CACNA2D3: variants seen among roughly 807,000 people sequenced by gnomAD.
CACNA2D3 encodes the protein voltage-dependent calcium channel subunit alpha-2/delta-3.
Under a neutral mutation model 160.6 loss-of-function variants are expected in CACNA2D3, and 60 were observed. The ratio of observed to expected loss-of-function variants is 0.37; its 90% CI spans 0.30 to 0.46. The LOEUF is 0.46. Among genes scored for constraint, CACNA2D3 ranks in the 20% least tolerant of loss-of-function variants. The probability of loss-of-function intolerance (pLI) is 1.00; values close to 1 mark genes in which losing one functional copy is unlikely to be tolerated. For missense variants in CACNA2D3, 1,205 were observed against 1,365.0 expected (o/e 0.88, Z 1.85); for synonymous variants, 558 against 492.9 (o/e 1.13, Z -1.75).
At chr3:54,816,906 G>C (rs575630862) in intron 14 of CACNA2D3, 36 bp downstream of exon 14, 68 of 1,611,522 alleles carry the variant, frequency 4.2e-5, no homozygotes, top group Admixed American at 1.0e-4. Flanking sequence ...GTCACCCCCA[G>C]AACTCACGAG....
chr3:54,375,127 C>T (rs964730715), intron 3 of CACNA2D3, among the ~76,000 whole-genome samples: 11 of 151,874 alleles, frequency 7.2e-5, no homozygotes, highest in Admixed American at 2.6e-4. Flanking sequence ...TTGTACCATA[C>T]GTGAGGAGCC....
chr3:54,938,283 A>G (rs1422653225), intron 27 of CACNA2D3, among the ~76,000 whole-genome samples: 1 of 152,194 alleles, frequency 6.6e-6, no homozygotes, highest in Non-Finnish European at 1.5e-5. Context: ...GCAGATGCAA[A>G]CACTGCAGCA....
At chr3:54,927,246 C>T (rs920330351) in intron 27 of CACNA2D3, among the ~76,000 whole-genome samples, 1 of 152,118 alleles carries the variant, frequency 6.6e-6, no homozygotes, top group African/African-American at 2.4e-5. Context: ...TGCTCTAGGG[C>T]AATAGGGAAG....
chr3:54,770,595 C>T (rs1702303086), intron 13 of CACNA2D3, among the ~76,000 whole-genome samples: 2 of 152,146 alleles, frequency 1.3e-5, no homozygotes, highest in Admixed American at 1.3e-4. Context: ...GCTTAACTGA[C>T]TCAGTGTCAG....
rs2106774574 is a variant in CACNA2D3 at position 54,431,760 on chromosome 3, T to G, written c.381+44986T>G. On this transcript the variant is annotated intron_variant, in intron 4 of 37. Transcript: ENST00000474759. The stretch of plus-strand genomic sequence containing the variant: ...GTAGCTGGGATTATAAGTGGTGCCA[T>G]CATGCCTGGCTAATTTTTGTATTTT... Among the ~76,000 whole-genome samples, 3 of 152,204 alleles carry G rather than the reference T, an allele frequency of 2.0e-5. No homozygotes were observed. In the South Asian group the frequency reaches 6.2e-4, roughly 32 times the overall value.
chr3:54,733,115 G>A (rs1438065437), intron 11 of CACNA2D3, among the ~76,000 whole-genome samples: 1 of 152,208 alleles, frequency 6.6e-6, no homozygotes, highest in African/African-American at 2.4e-5. Flanking sequence ...CTTGCACTTT[G>A]AGGGCCTTGG....
intron 3 of CACNA2D3, among the ~76,000 whole-genome samples, chr3:54,369,701 C>T (rs868131672): frequency 7.9e-5 from 12 of 152,138 alleles, no homozygotes; most frequent in African/African-American, 1.2e-4. Flanking sequence ...TTTTTTCTTC[C>T]GAACCTGCAT....
intron 2 of CACNA2D3, among the ~76,000 whole-genome samples, chr3:54,233,046 C>T (rs557562772): frequency 1.3e-5 from 2 of 152,222 alleles, no homozygotes; most frequent in South Asian, 2.1e-4. Context: ...ACAAATATGG[C>T]GGGCTAAGGA....
intron 3 of CACNA2D3, among the ~76,000 whole-genome samples, chr3:54,374,452 G>A (rs570324780): frequency 6.6e-6 from 1 of 152,248 alleles, no homozygotes; most frequent in Non-Finnish European, 1.5e-5. Flanking sequence ...AGAAGACACA[G>A]CTTAGATGGT....
chr3:54,878,492 A>G (rs1699716390), intron 18 of CACNA2D3, among the ~76,000 whole-genome samples: 2 of 151,966 alleles, frequency 1.3e-5, no homozygotes, highest in South Asian at 4.2e-4. Flanking sequence ...AAGGTCATTA[A>G]TTGGCCCAGA....
At chr3:54,204,223 T>A (rs1003876121) in intron 2 of CACNA2D3, among the ~76,000 whole-genome samples, 2 of 152,154 alleles carry the variant, frequency 1.3e-5, no homozygotes, top group Non-Finnish European at 2.9e-5. Flanking sequence ...ATTGTGGGAC[T>A]GCTCAGCCTC....
chr3:54,478,767 T>A (rs1208031849), intron 4 of CACNA2D3, among the ~76,000 whole-genome samples: 1 of 139,206 alleles, frequency 7.2e-6, no homozygotes, highest in African/African-American at 2.6e-5. Context: ...TCTACACTAC[T>A]CACCCATTAG....
intron 4 of CACNA2D3, among the ~76,000 whole-genome samples, chr3:54,467,954 G>A (rs1700658742): frequency 6.6e-6 from 1 of 152,172 alleles, no homozygotes; most frequent in South Asian, 2.1e-4. Context: ...ATTACACAGT[G>A]TATGCATGTG....
chr3:54,749,286 C>G (rs1701813661), intron 11 of CACNA2D3, among the ~76,000 whole-genome samples: 1 of 152,152 alleles, frequency 6.6e-6, no homozygotes, highest in Admixed American at 6.5e-5. Context: ...CTGGGTAGCC[C>G]ACTACACGAA....
At chr3:54,809,092 G>A (rs900019868) in intron 13 of CACNA2D3, among the ~76,000 whole-genome samples, 1 of 151,922 alleles carries the variant, frequency 6.6e-6, no homozygotes, top group Non-Finnish European at 1.5e-5. Flanking sequence ...CTATATTGTT[G>A]TCCAGGTTCT....
intron 13 of CACNA2D3, among the ~76,000 whole-genome samples, chr3:54,801,960 T>C (rs1044656690): frequency 1.1e-4 from 17 of 152,148 alleles, no homozygotes; most frequent in African/African-American, 4.1e-4. Flanking sequence ...TCCAACAAAA[T>C]TGGAAGGACT....
intron 2 of CACNA2D3, among the ~76,000 whole-genome samples, chr3:54,174,739 A>G (rs776710304): frequency 2.6e-5 from 4 of 152,134 alleles, no homozygotes; most frequent in Non-Finnish European, 4.4e-5. Flanking sequence ...GTTAGCCAGG[A>G]TGGTTTCGAT....
chr3:54,326,293 A>C (rs997928739), intron 3 of CACNA2D3, among the ~76,000 whole-genome samples: 7 of 152,200 alleles, frequency 4.6e-5, no homozygotes, highest in African/African-American at 1.7e-4. Flanking sequence ...CAATCTTCCA[A>C]AAAGCTAGAG....
chr3:54,780,277 C>T (rs1474568232), intron 13 of CACNA2D3, among the ~76,000 whole-genome samples: 1 of 152,208 alleles, frequency 6.6e-6, no homozygotes, highest in Non-Finnish European at 1.5e-5. Flanking sequence ...ATGCCACCTC[C>T]ATCTAAGCAG....
Sources: gnomAD v4.1 joint callset for allele counts (sites outside exome capture counted in the v4.1 genomes callset) on GRCh38, gnomAD v4.1.1 for gene constraint, MANE v1.5 for transcripts, NCBI Gene and HGNC (gene_info 2026-07-23, HGNC 2026-07-21) for gene names.